PTPN4: variants seen among roughly 807,000 people sequenced by gnomAD.
The protein encoded by PTPN4 is protein tyrosine phosphatase non-receptor type 4.
A neutral mutation model predicts 135.5 loss-of-function variants in PTPN4; 49 were observed. The observed-to-expected ratio is 0.36, with a 90% CI of 0.29 to 0.46. The LOEUF (loss-of-function observed/expected upper bound fraction) is 0.46. PTPN4 is among the 20% of genes least tolerant of loss of function. PTPN4 has a pLI of 1.00. For missense variants in PTPN4, 860 were observed against 1,101.0 expected (o/e 0.78, Z 3.10); for synonymous variants, 333 against 369.9 (o/e 0.90, Z 1.14).
intron 1 of PTPN4, among the ~76,000 whole-genome samples, chr2:119,786,548 G>A (rs996875534): frequency 3.3e-5 from 5 of 152,196 alleles, no homozygotes; most frequent in Non-Finnish European, 5.9e-5. Flanking sequence ...TTCTGTCAGT[G>A]CTGAGGGCTG....
chr2:119,806,752 C>T (rs555959806), intron 1 of PTPN4, among the ~76,000 whole-genome samples: 1 of 152,262 alleles, frequency 6.6e-6, no homozygotes. Context: ...GAACTCTCCA[C>T]CCCAAATCAG....
At chr2:119,911,989 G>A (rs184531843) in intron 10 of PTPN4, among the ~76,000 whole-genome samples, 6 of 152,250 alleles carry the variant, frequency 3.9e-5, no homozygotes, top group African/African-American at 1.4e-4. Context: ...TGTTCAAAGT[G>A]ACTTTATTTG....
intron 1 of PTPN4, among the ~76,000 whole-genome samples, chr2:119,776,341 A>C (rs979634169): frequency 2.0e-5 from 3 of 151,960 alleles, no homozygotes; most frequent in Non-Finnish European, 4.4e-5. Flanking sequence ...ACGCCCGGCT[A>C]ATTTTTTGTG....
Position 119,924,813 on chromosome 2 carries a change from ATCAG to A in PTPN4, c.1002-1780_1002-1777del, listed in dbSNP as rs1678796739. ...ATCTTCTTCACTGGAAAATTAAGGT[ATCAG>A]TCAGAGTTCAGTCAGGGAAGCAGAA... On this transcript the variant is annotated intron_variant, in intron 12 of 26. Coordinates refer to ENST00000263708, the MANE Select transcript of PTPN4 (RefSeq NM_002830.4). Among the ~76,000 whole-genome samples the A allele has an allele frequency of 2.6e-5, 4 of 152,226 alleles. 1 individual carries two copies. Among genetic ancestry groups the A allele is most frequent in the Middle Eastern group, 3.4e-3 (1 of 294 alleles).
In PTPN4 at chr2:119,973,655, G is replaced by GTTTTTTTTT. The variant is rs70949378; in HGVS notation, c.2695-3310_2695-3302dup. Reference sequence around the variant, plus strand: ...TTGAAAGCTTCCTCCTTCATTTCTTGTTTTTTTTTTTTTTTTTTTTTTTTT... The same window carrying GTTTTTTTTT: ...TTGAAAGCTTCCTCCTTCATTTCTTGTTTTTTTTTTTTTTTTTTTTTTTTTTTTTTTTTT... On this transcript the variant is annotated intron_variant, in intron 26 of 26. Coordinates refer to ENST00000263708, the MANE Select transcript of PTPN4 (RefSeq NM_002830.4). Among the ~76,000 whole-genome samples, 113 of 38,374 alleles carry GTTTTTTTTT rather than the reference G, an allele frequency of 2.9e-3. 26 individuals are homozygous for GTTTTTTTTT. Among genetic ancestry groups the GTTTTTTTTT allele is most frequent in the African/African-American group, 0.011 (88 of 7,936 alleles). The allele number at this position is 38,374 out of a possible 152,430, so 25.2% of individuals were successfully genotyped here.
intron 9 of PTPN4, among the ~76,000 whole-genome samples, chr2:119,888,546 G>A (rs2105006881): frequency 6.6e-6 from 1 of 151,996 alleles, no homozygotes; most frequent in African/African-American, 2.4e-5. Flanking sequence ...AGATGTTGAA[G>A]TTTTTCAAAT....
intron 10 of PTPN4, among the ~76,000 whole-genome samples, chr2:119,909,945 G>A (rs183109224): frequency 4.8e-4 from 73 of 152,278 alleles, no homozygotes; most frequent in Non-Finnish European, 6.5e-4. Flanking sequence ...TTGAATAGAT[G>A]AGGATTTGCT....
chr2:119,927,358 C>CT (rs1553469255), intron 13 of PTPN4, among the ~76,000 whole-genome samples: 3 of 151,996 alleles, frequency 2.0e-5, no homozygotes, highest in South Asian at 4.2e-4. Context: ...TGATCCCCCC[C>CT]ACCTTGGCCT....
chr2:119,927,908 C>G (rs1297476519), intron 13 of PTPN4, among the ~76,000 whole-genome samples: 1 of 152,066 alleles, frequency 6.6e-6, no homozygotes, highest in African/African-American at 2.4e-5. Flanking sequence ...TTTTCTTCCT[C>G]CTTCCAAAAG....
chr2:119,840,991 A>T (rs1677372361), intron 2 of PTPN4, among the ~76,000 whole-genome samples: 1 of 152,028 alleles, frequency 6.6e-6, no homozygotes, highest in South Asian at 2.1e-4. Context: ...TGTCAGATGG[A>T]TAGATTGCAG....
intron 5 of PTPN4, chr2:119,880,160 A>G (rs1678049993): frequency 6.6e-6 from 1 of 152,068 alleles, no homozygotes; most frequent in African/African-American, 2.4e-5. Flanking sequence ...AGTTGATACT[A>G]CTTTCTTCTT....
chr2:119,827,945 A>G (rs989572873), intron 2 of PTPN4, among the ~76,000 whole-genome samples: 1 of 152,214 alleles, frequency 6.6e-6, no homozygotes, highest in Non-Finnish European at 1.5e-5. Context: ...ACACCGTTGT[A>G]AAGTCCCTCA....
chr2:119,798,315 C>T (rs753065931), intron 1 of PTPN4, among the ~76,000 whole-genome samples: 2 of 151,968 alleles, frequency 1.3e-5, no homozygotes, highest in South Asian at 2.1e-4. Flanking sequence ...GACAGGCACC[C>T]GCCACCATGC....
chr2:119,924,136 CAAAAAAAAA>C (rs35572826), intron 12 of PTPN4, among the ~76,000 whole-genome samples: 1 of 77,274 alleles, frequency 1.3e-5, no homozygotes, highest in Non-Finnish European at 2.7e-5. Flanking sequence ...GACTCCGTCT[CAAAAAAAAA>C]AAAAAAAAAA....
At chr2:119,969,338 A>G (rs1679492947) in intron 26 of PTPN4, among the ~76,000 whole-genome samples, 1 of 152,018 alleles carries the variant, frequency 6.6e-6, no homozygotes. Context: ...GAAAATTTCA[A>G]ACATAGACAA....
rs368741137 is a variant in PTPN4, at chr2:119,778,503, C to G, written c.-18+18119C>G. Among the ~76,000 whole-genome samples the G allele has an allele frequency of 2.8e-4, 42 of 152,208 alleles. No homozygotes were observed. In the East Asian group the frequency reaches 6.2e-3, roughly 22 times the overall value. On this transcript the variant is annotated intron_variant, in intron 1 of 26. Coordinates refer to ENST00000263708, the MANE Select transcript of PTPN4 (RefSeq NM_002830.4). ...CAACTAGGAGCTATTCACATACTTA[C>G]GTGAATAAACAGGTATATTGAAGGC... is the stretch of plus-strand genomic sequence containing the variant.
intron 2 of PTPN4, among the ~76,000 whole-genome samples, chr2:119,858,150 A>G (rs972898003): frequency 1.4e-4 from 21 of 152,198 alleles, no homozygotes; most frequent in Non-Finnish European, 3.1e-4. Context: ...TGTGCTGTGT[A>G]TACAGGCTGC....
intron 2 of PTPN4, among the ~76,000 whole-genome samples, chr2:119,832,813 A>G (rs1677238389): frequency 6.6e-6 from 1 of 152,026 alleles, no homozygotes; most frequent in Admixed American, 6.5e-5. Context: ...CTATTCCTGC[A>G]TGTGATTTGC....
At chr2:119,847,326 A>ATT (rs1303611735) in intron 2 of PTPN4, among the ~76,000 whole-genome samples, 6 of 111,490 alleles carry the variant, frequency 5.4e-5, no homozygotes, top group Admixed American at 1.7e-4. Context: ...ATATATATAT[A>ATT]TATTTTTTTT....
Sources: allele counts gnomAD v4.1 joint callset (sites outside exome capture counted in the v4.1 genomes callset), GRCh38; gene constraint gnomAD v4.1.1; transcripts MANE v1.5; gene names NCBI Gene and HGNC (gene_info 2026-07-23, HGNC 2026-07-21).